Variants in USP40 observed in about 807,000 individuals in gnomAD.
The protein encoded by USP40 is ubiquitin specific peptidase 40, also known as ubiquitin carboxyl-terminal hydrolase 40.
USP40 carries 143 observed loss-of-function variants against 166.2 expected under a neutral mutation model. That is an observed-to-expected ratio of 0.86 (90% CI 0.75 to 0.99). The LOEUF is 0.99. Among genes scored for constraint, USP40 ranks in the 50% least tolerant of loss-of-function variants. The probability of loss-of-function intolerance (pLI) is 0.00; values close to 1 mark genes in which losing one functional copy is unlikely to be tolerated. For missense variants in USP40, 1,444 were observed against 1,479.7 expected (o/e 0.98, Z 0.40); for synonymous variants, 498 against 524.0 (o/e 0.95, Z 0.68).
At chr2:233,521,764 C>A (rs2067673630) in intron 16 of USP40, among the ~76,000 whole-genome samples, 2 of 152,110 alleles carry the variant, frequency 1.3e-5, no homozygotes, top group Admixed American at 6.6e-5. Flanking sequence ...TGCAGTTATT[C>A]CATTCTGAGC....
intron 21 of USP40, among the ~76,000 whole-genome samples, chr2:233,504,263 C>T (rs142066744): frequency 1.3e-5 from 2 of 151,800 alleles, no homozygotes; most frequent in Non-Finnish European, 1.5e-5. Flanking sequence ...AACCAGAAAA[C>T]GATTAACAAA....
chr2:233,484,804 G>A (rs1427615943), intron 30 of USP40, among the ~76,000 whole-genome samples: 2 of 152,062 alleles, frequency 1.3e-5, no homozygotes, highest in African/African-American at 2.4e-5. Context: ...TTGTAAGAAC[G>A]GTTTTATATT....
chr2:233,486,999 A>G lies in USP40; in HGVS notation c.3198-1022T>C, dbSNP rs1380693220. ...GCAGGAGTGCCCTGGAAGTTGGTCA[A>G]GGACAGAAAAGCCCATGGAAGGGGC... is the stretch of plus-strand genomic sequence containing the variant. On this transcript the variant is annotated intron_variant, in intron 28 of 31. Transcript: ENST00000678225. This position sits in a 1 kb window ranked among gnomAD's most constrained non-coding sequence, Gnocchi z 4.0. Among the ~76,000 whole-genome samples the G allele has an allele frequency of 6.6e-6, 1 of 152,216 alleles. No individual in the cohort carries two copies. The highest frequency in any genetic ancestry group is 1.9e-4 in the East Asian group (1 of 5,188).
intron 2 of USP40, 65 bp from the exon 3 acceptor site, chr2:233,562,868 A>T: frequency 3.1e-6 from 4 of 1,270,502 alleles, no homozygotes; most frequent in Non-Finnish European, 4.3e-6. Context: ...TTGTTTTAGA[A>T]AGCCAAGACC....
At chr2:233,536,295 AC>A (rs766722715) in intron 10 of USP40, among the ~76,000 whole-genome samples, 1 of 152,226 alleles carries the variant, frequency 6.6e-6, no homozygotes, top group Non-Finnish European at 1.5e-5. Context: ...TGGAAAGACT[AC>A]AACTAAAAAG....
chr2:233,477,573 C>G, intron 31 of USP40, 70 bp from the exon 32 acceptor site: 1 of 1,282,928 alleles, frequency 7.8e-7, no homozygotes, highest in Non-Finnish European at 1.1e-6. Context: ...TTCACGAAGA[C>G]CCCAAAATAC....
chr2:233,485,860 C>A lies in USP40; in HGVS notation c.3315G>T (p.Gln1105His). 6.2e-7 allele frequency: 1 copy of A among 1,609,926 alleles called. No homozygotes were observed. Among genetic ancestry groups the A allele is most frequent in the South Asian group, 1.1e-5 (1 of 89,858 alleles). ...GAAGACGATAGAAATCGGCAACTCT[C>A]TGCCTCAGGGAGCCGGCAGTCCCAC... Reference protein sequence around the residue: ...AQGGTAGSLRQRVADFYRLPV... With the variant: ...AQGGTAGSLRHRVADFYRLPV... Residue 1105 changes from glutamine (Q) to histidine (H), a missense_variant, in exon 29 of 32, where the codon CAG (glutamine) becomes CAT (histidine). Physicochemically the swap from Gln to His is conservative, Grantham distance 24 (BLOSUM62 0). Coordinates refer to ENST00000678225, the MANE Select transcript of USP40 (RefSeq NM_001365479.2).
intron 19 of USP40, 60 bp from the exon 20 acceptor site, chr2:233,511,857 A>G (rs2125160751): frequency 7.7e-7 from 1 of 1,303,182 alleles, no homozygotes; most frequent in Admixed American, 2.4e-5. Flanking sequence ...TAAGAAAAAT[A>G]AATGCTGAAA....
intron 2 of USP40, among the ~76,000 whole-genome samples, chr2:233,564,578 C>T (rs2071966348): frequency 6.6e-6 from 1 of 152,170 alleles, no homozygotes; most frequent in Admixed American, 6.6e-5. Context: ...TACAATAACC[C>T]CCCTTTTAAA....
intron 8 of USP40, among the ~76,000 whole-genome samples, chr2:233,547,804 C>T (rs952843633): frequency 2.0e-5 from 3 of 152,162 alleles, no homozygotes; most frequent in African/African-American, 7.2e-5. Context: ...GGAAATCCCA[C>T]TGAGTATGTG....
At chr2:233,528,348 A>G (rs1177974076) in intron 12 of USP40, among the ~76,000 whole-genome samples, 1 of 152,124 alleles carries the variant, frequency 6.6e-6, no homozygotes, top group African/African-American at 2.4e-5. Flanking sequence ...AGTCCTTGGC[A>G]GCAGCCTGGT....
intron 10 of USP40, among the ~76,000 whole-genome samples, chr2:233,537,345 G>A (rs571873851): frequency 2.0e-5 from 3 of 152,130 alleles, no homozygotes; most frequent in South Asian, 4.2e-4. Flanking sequence ...GATATGGAAG[G>A]ATATAGTTAG....
chr2:233,496,938 A>C (rs1297211707), intron 23 of USP40, 106 bp from the exon 24 acceptor site: 4 of 757,224 alleles, frequency 5.3e-6, no homozygotes, highest in Non-Finnish European at 8.6e-6. Flanking sequence ...AAATTAAATG[A>C]ATAATAAAGC....
chr2:233,529,814 C>CTTTTTTTTTTTTT lies in USP40; in HGVS notation c.1472-303_1472-302insAAAAAAAAAAAAA, dbSNP rs369071345. On this transcript the variant is annotated intron_variant, in intron 11 of 31. Transcript: ENST00000678225. ...ATCTTTTTTTTTTCTTTTTCTTTTT[C>CTTTTTTTTTTTTT]TTTTTTTTTTTGAGACGGAGTCTCA... Among the ~76,000 whole-genome samples the CTTTTTTTTTTTTT allele has an allele frequency of 4.7e-4, 63 of 133,936 alleles. 2 individuals are homozygous for CTTTTTTTTTTTTT. The highest frequency in any genetic ancestry group is 7.8e-4 in the African/African-American group (27 of 34,592). The allele number at this position is 133,936 out of a possible 152,430, so 87.9% of individuals were successfully genotyped here.
intron 10 of USP40, among the ~76,000 whole-genome samples, chr2:233,538,180 T>A: frequency 6.6e-6 from 1 of 151,672 alleles, no homozygotes; most frequent in East Asian, 1.9e-4. Context: ...AATGGGACAC[T>A]AAAAATTTAT....
At position 233,491,177 on chromosome 2, in the gene USP40, A is replaced by G. The variant is rs1239840539; in HGVS notation, c.3002T>C (p.Leu1001Pro). Reference protein sequence around the residue: ...EISEDATLAELKSQAMTLPPF... With the variant: ...EISEDATLAEPKSQAMTLPPF... ...AGGAAGAAGTCTGACCTGAGACTTCAGCTCCGCCAGCGTGGCATCTTCTGA... is the reference window on the plus strand; with the variant it reads ...AGGAAGAAGTCTGACCTGAGACTTCGGCTCCGCCAGCGTGGCATCTTCTGA... Residue 1001 changes from leucine (L) to proline (P), a missense_variant, in exon 26 of 32, where the codon CTG becomes CCG. By Grantham distance (98) the Leu-to-Pro change is moderately conservative. Coordinates refer to ENST00000678225, the MANE Select transcript of USP40 (RefSeq NM_001365479.2). 2 of 1,608,032 alleles carry G rather than the reference A, an allele frequency of 1.2e-6. No individual in the cohort carries two copies. Among genetic ancestry groups the G allele is most frequent in the East Asian group, 4.5e-5 (2 of 44,808 alleles).
At position 233,494,997 on chromosome 2, in the gene USP40, A is replaced by AT. The variant is rs1459280408; in HGVS notation, c.2791-1447_2791-1446insA. On this transcript the variant is annotated intron_variant, in intron 24 of 31. Coordinates refer to ENST00000678225, the MANE Select transcript of USP40 (RefSeq NM_001365479.2). ...ATATATATACACACACATAAAAAAT[A>AT]AATAAATAAATAAATATATAAAATA... 4.2e-5 allele frequency among the ~76,000 whole-genome samples: 5 copies of AT among 119,130 alleles called. 1 individual carries two copies. The highest frequency in any genetic ancestry group is 1.6e-4 in the African/African-American group (5 of 30,428). 78.2% of individuals were successfully genotyped at this position (119,130 alleles called of 152,430 possible). A position where few individuals can be genotyped will look rare whatever the true frequency, so the allele number is the denominator to read the frequency against.
rs751825828 is a variant in USP40 at position 233,556,925 on chromosome 2, T to C, written c.476A>G (p.Tyr159Cys). 1.9e-5 allele frequency: 31 copies of C among 1,614,002 alleles called. No individual in the cohort carries two copies. The highest frequency in any genetic ancestry group is 8.9e-5 in the East Asian group (4 of 44,870). ...AACAATGGTTCCATGGTACAGACGA[T>C]AGATGAGGTCATGACCGGAGGTCCC... is the stretch of plus-strand genomic sequence containing the variant. ...LVGTSGHDLI[Y>C]RLYHGTIVNQ... Residue 159 changes from tyrosine to cysteine, a missense_variant, in exon 5 of 32, where the codon TAT becomes TGT. Coordinates refer to ENST00000678225, the MANE Select transcript of USP40 (RefSeq NM_001365479.2).
intron 26 of USP40, among the ~76,000 whole-genome samples, chr2:233,490,797 A>C (rs1301987832): frequency 1.3e-5 from 2 of 152,252 alleles, no homozygotes; most frequent in Admixed American, 6.5e-5. Context: ...TTTTCATAAC[A>C]ACATTTAACA....
Sources: gnomAD v4.1 joint callset for allele counts (sites outside exome capture counted in the v4.1 genomes callset) on GRCh38, gnomAD v4.1.1 for gene constraint, Gnocchi (gnomAD v3.1) non-coding constraint, MANE v1.5 for transcripts, NCBI Gene and HGNC (gene_info 2026-07-23, HGNC 2026-07-21) for gene names.